Variants in VCL observed in about 807,000 individuals in gnomAD.
VCL encodes the protein epididymis luminal protein 114.
In VCL, 47 loss-of-function variants were observed where a neutral mutation model predicts 125.7. The observed-to-expected ratio is 0.37, with a 90% CI of 0.30 to 0.48. The LOEUF is 0.48. VCL is among the 20% of genes least tolerant of loss of function. VCL has a pLI of 0.99. For missense variants in VCL, 1,069 were observed against 1,455.5 expected, an observed-to-expected ratio of 0.73 and a Z score of 4.32; for synonymous variants, 458 against 514.6, an observed-to-expected ratio of 0.89 and a Z score of 1.49.
Position 74,057,122 on chromosome 10 carries a change from T to C in VCL, c.240-13548T>C, listed in dbSNP as rs568351113. On this transcript the variant is annotated intron_variant, in intron 2 of 21. Coordinates refer to ENST00000211998, the MANE Select transcript of VCL (RefSeq NM_014000.3). ...CATGCATGGCTAATTTTTTAAAATTTTTCGTAGAGATAGGGTCTCGCTACG... is the reference window on the plus strand; with the variant it reads ...CATGCATGGCTAATTTTTTAAAATTCTTCGTAGAGATAGGGTCTCGCTACG... 3.6e-4 allele frequency among the ~76,000 whole-genome samples: 54 copies of C among 152,090 alleles called. No individual in the cohort carries two copies. In the South Asian group the frequency reaches 0.011, roughly 30 times the overall value.
intron 2 of VCL, among the ~76,000 whole-genome samples, chr10:74,054,447 C>T (rs1372534190): frequency 6.6e-6 from 1 of 152,142 alleles, no homozygotes; most frequent in East Asian, 1.9e-4. Flanking sequence ...CTGTGTTCTT[C>T]TTCTTTTAAT....
At position 74,103,866 on chromosome 10, in the gene VCL, C is replaced by T; in HGVS notation, c.2069C>T (p.Ala690Val). ...RILLRNPGNQ[A>V]AYEHFETMKN... The stretch of plus-strand genomic sequence containing the variant: ...TTACTTAGGAACCCTGGAAATCAAG[C>T]TGCTTATGAACATTTTGAGACCATG... The change falls in exon 15 of 22, where the codon GCT (alanine) becomes GTT (valine). Residue 690 changes from alanine (A) to valine (V), a missense_variant. Physicochemically the swap from Ala to Val is moderately conservative, Grantham distance 64. This residue lies in a region of VCL where 760 missense variants were observed against 928.9 expected (regional missense o/e 0.82). Transcript: ENST00000211998. 4.3e-6 allele frequency: 7 copies of T among 1,614,120 alleles called. No individual in the cohort carries two copies. The highest frequency in any genetic ancestry group is 5.9e-6 in the Non-Finnish European group (7 of 1,180,028).
chr10:74,113,736 C>T (rs1840266825), intron 19 of VCL, among the ~76,000 whole-genome samples: 2 of 152,298 alleles, frequency 1.3e-5, no homozygotes, highest in Non-Finnish European at 1.5e-5. Flanking sequence ...TCCCCTCAGG[C>T]CAGCTCTACT....
chr10:74,114,416 TGTGTGTGTGTGTGTGTGTGTGC>T (rs764277435), intron 20 of VCL, 29 bp downstream of exon 20: 18 of 1,184,482 alleles, frequency 1.5e-5, no homozygotes, highest in African/African-American at 8.3e-5. Context: ...TGCGTGTGTG[TGTGTGTGTGTGTGTGTGTGTGC>T]GTGTGTGTGT....
At chr10:74,050,031 T>G (rs1841270963) in intron 2 of VCL, among the ~76,000 whole-genome samples, 1 of 152,238 alleles carries the variant, frequency 6.6e-6, no homozygotes, top group Non-Finnish European at 1.5e-5. Flanking sequence ...GGAAGGCAAT[T>G]CTTGGACCTG....
Position 74,083,412 on chromosome 10 carries a change from A to G in VCL, c.921A>G (p.Gly307=). 6.2e-7 allele frequency: 1 copy of G among 1,614,170 alleles called. No homozygotes were observed. Among genetic ancestry groups the G allele is most frequent in the Non-Finnish European group, 8.5e-7 (1 of 1,179,990 alleles). Reference sequence around the variant, plus strand: ...TCAGACAGATCTTAGATGAAGCTGGAAAAGTTGGTGAACTCTGTGCAGGCA... The same window carrying G: ...TCAGACAGATCTTAGATGAAGCTGGGAAAGTTGGTGAACTCTGTGCAGGCA... ...QAIRQILDEA[G]KVGELCAGKE... is the part of the protein sequence containing the mutation. Residue 307 remains glycine (G), a synonymous_variant, in exon 8 of 22, where the codon GGA becomes GGG. Transcript: ENST00000211998.
rs372756218 is a variant in VCL, at chr10:74,115,000, G to A, written c.3258+101G>A. On this transcript the variant is annotated intron_variant, in intron 21 of 21. Transcript: ENST00000211998. ...AAATTTTACCCCTTAATTGAGTATC[G>A]AGTATTCAGTATGTGGGATGCACTC... 73 of 1,105,574 alleles carry A rather than the reference G, an allele frequency of 6.6e-5. 2 individuals are homozygous for A. In the African/African-American group the frequency reaches 1.1e-3, roughly 16 times the overall value. 68.5% of individuals were successfully genotyped at this position (1,105,574 alleles called of 1,614,324 possible).
chr10:74,091,423 C>T (rs956111668), intron 10 of VCL, among the ~76,000 whole-genome samples: 7 of 151,976 alleles, frequency 4.6e-5, no homozygotes, highest in Admixed American at 4.6e-4. Flanking sequence ...TGTTAAAGAC[C>T]CTCTTTGTTC....
At chr10:74,029,635 G>GACATCAGAA (rs1182751761) in intron 1 of VCL, among the ~76,000 whole-genome samples, 1 of 152,194 alleles carries the variant, frequency 6.6e-6, no homozygotes, top group African/African-American at 2.4e-5. Context: ...AAGCTTGCTT[G>GACATCAGAA]ACATCAGAAC....
At chr10:74,002,013 A>C (rs190803678) in intron 1 of VCL, among the ~76,000 whole-genome samples, 7 of 152,248 alleles carry the variant, frequency 4.6e-5, no homozygotes, top group South Asian at 2.1e-4. Context: ...ATGAAGATGA[A>C]ATTTTCAATT....
chr10:74,103,201 T>C (rs1459222004), intron 14 of VCL, among the ~76,000 whole-genome samples: 3 of 152,184 alleles, frequency 2.0e-5, no homozygotes, highest in African/African-American at 4.8e-5. Flanking sequence ...TAGTCTCTCA[T>C]CTGTAAAATG....
chr10:74,045,185 T>A (rs1009702001), intron 2 of VCL, among the ~76,000 whole-genome samples: 3 of 149,030 alleles, frequency 2.0e-5, no homozygotes, highest in Admixed American at 6.7e-5. Flanking sequence ...AATAAATAAA[T>A]AAATAAAAAG....
intron 18 of VCL, among the ~76,000 whole-genome samples, chr10:74,110,296 AT>A (rs140335615): frequency 5.8e-4 from 89 of 152,346 alleles, no homozygotes; most frequent in African/African-American, 2.0e-3. Flanking sequence ...AGAACAAAAA[AT>A]ATACATGAAT....
intron 2 of VCL, among the ~76,000 whole-genome samples, chr10:74,052,480 G>A (rs1344751683): frequency 3.3e-5 from 5 of 149,840 alleles, no homozygotes; most frequent in African/African-American, 1.2e-4. Context: ...GGGCTCAAGC[G>A]ATTCTCATGC....
intron 1 of VCL, among the ~76,000 whole-genome samples, chr10:74,003,568 C>T (rs1394225089): frequency 1.3e-5 from 2 of 152,144 alleles, no homozygotes; most frequent in African/African-American, 4.8e-5. Flanking sequence ...TGTAAGTACT[C>T]CTTGGGCTCA....
intron 12 of VCL, among the ~76,000 whole-genome samples, chr10:74,096,606 A>T (rs1292478507): frequency 6.6e-6 from 1 of 152,222 alleles, no homozygotes; most frequent in African/African-American, 2.4e-5. Flanking sequence ...ATTAAATGTG[A>T]TGACTATGAA....
At chr10:74,048,501 T>C (rs1040107719) in intron 2 of VCL, among the ~76,000 whole-genome samples, 1 of 151,956 alleles carries the variant, frequency 6.6e-6, no homozygotes. Context: ...CATTTGTTCC[T>C]TTTGAGACTG....
chr10:73,998,127 A>C lies in VCL; in HGVS notation c.-81A>C. 6.4e-7 allele frequency: 1 copy of C among 1,562,104 alleles called. No individual in the cohort carries two copies. The highest frequency in any genetic ancestry group is 2.4e-5 in the East Asian group (1 of 41,844). ...AGCCCCGACTCCGTAGTCGCTGCAC[A>C]GTCTGTCTCTTCGCCGGTTCCCGGC... On this transcript the variant is annotated 5_prime_UTR_variant, in exon 1 of 22. Coordinates refer to ENST00000211998, the MANE Select transcript of VCL (RefSeq NM_014000.3).
intron 2 of VCL, among the ~76,000 whole-genome samples, chr10:74,052,188 C>T (rs1440292011): frequency 1.3e-5 from 2 of 152,114 alleles, no homozygotes; most frequent in East Asian, 3.8e-4. Flanking sequence ...TGCTTTTACC[C>T]TGGACCTGCT....
Sources: allele counts gnomAD v4.1 joint callset (sites outside exome capture counted in the v4.1 genomes callset), GRCh38; gene constraint gnomAD v4.1.1; regional missense constraint gnomAD v4.1.1; transcripts MANE v1.5; gene names NCBI Gene and HGNC (gene_info 2026-07-23, HGNC 2026-07-21).